The following PRKG1 variants were observed in gnomAD, a reference collection of about 807,000 sequenced individuals.
The protein encoded by PRKG1 is cGMP-dependent protein kinase 1.
A neutral mutation model predicts 88.1 loss-of-function variants in PRKG1; 35 were observed. The observed-to-expected ratio is 0.40, with a 90% CI of 0.30 to 0.53. PRKG1 has a LOEUF of 0.53. Ranked by LOEUF, PRKG1 falls within the 20% of genes least tolerant of loss-of-function variation. PRKG1 has a pLI of 0.59. For missense variants in PRKG1, 540 were observed against 839.8 expected, an observed-to-expected ratio of 0.64 and a Z score of 4.41; for synonymous variants, 303 against 292.5, an observed-to-expected ratio of 1.04 and a Z score of -0.37.
chr10:51,458,450 C>A (rs557606474), intron 2 of PRKG1, among the ~76,000 whole-genome samples: 2 of 150,520 alleles, frequency 1.3e-5, no homozygotes, highest in South Asian at 2.1e-4. Context: ...TTTTTACAAC[C>A]AGATATGGTA....
chr10:52,181,446 A>G (rs1487822973), intron 9 of PRKG1, among the ~76,000 whole-genome samples: 1 of 88,878 alleles, frequency 1.1e-5, no homozygotes, highest in Non-Finnish European at 2.1e-5. Flanking sequence ...TTTTTTTTTA[A>G]TTATACTTTA....
intron 5 of PRKG1, among the ~76,000 whole-genome samples, chr10:52,033,450 A>C (rs1026972908): frequency 1.3e-5 from 2 of 152,092 alleles, no homozygotes; most frequent in African/African-American, 2.4e-5. Context: ...TTTTCTCTTA[A>C]CCCTCTCTTT....
chr10:51,225,326 C>A (rs1838663468), intron 2 of PRKG1, among the ~76,000 whole-genome samples: 1 of 152,126 alleles, frequency 6.6e-6, no homozygotes, highest in Non-Finnish European at 1.5e-5. Flanking sequence ...TAATTACCTC[C>A]CGAAGACCCT....
intron 5 of PRKG1, among the ~76,000 whole-genome samples, chr10:52,030,206 T>A (rs923162764): frequency 1.3e-5 from 2 of 152,208 alleles, no homozygotes; most frequent in Non-Finnish European, 2.9e-5. Context: ...TTTGTTGTTC[T>A]GTGTGCATAC....
chr10:51,639,667 C>T (rs1839749970), intron 3 of PRKG1, among the ~76,000 whole-genome samples: 1 of 150,742 alleles, frequency 6.6e-6, no homozygotes. Context: ...CCACAGAATT[C>T]CAAATCAAAG....
At chr10:51,017,999 T>A (rs554879835) in intron 1 of PRKG1, among the ~76,000 whole-genome samples, 47 of 152,020 alleles carry the variant, frequency 3.1e-4, no homozygotes, top group East Asian at 1.5e-3. Flanking sequence ...TATTATTATT[T>A]TTTAGGTAGA....
chr10:51,876,733 T>C (rs1841309282), intron 4 of PRKG1, among the ~76,000 whole-genome samples: 1 of 152,162 alleles, frequency 6.6e-6, no homozygotes, highest in Non-Finnish European at 1.5e-5. Flanking sequence ...TGTGCCTCCA[T>C]GTGGCAAGCT....
At chr10:52,095,675 T>C (rs1847156276) in intron 7 of PRKG1, among the ~76,000 whole-genome samples, 1 of 152,140 alleles carries the variant, frequency 6.6e-6, no homozygotes, top group Non-Finnish European at 1.5e-5. Context: ...GATGCAGAAA[T>C]GAAATCTACA....
chr10:51,299,183 T>G (rs1289920000), intron 2 of PRKG1, among the ~76,000 whole-genome samples: 1 of 152,124 alleles, frequency 6.6e-6, no homozygotes, highest in Non-Finnish European at 1.5e-5. Flanking sequence ...TATCTCTTTT[T>G]GCCCATTCTT....
chr10:51,428,056 T>C (rs1333622924), intron 2 of PRKG1, among the ~76,000 whole-genome samples: 1 of 152,138 alleles, frequency 6.6e-6, no homozygotes, highest in East Asian at 1.9e-4. Context: ...GCACATGGCC[T>C]TAAGGAGAGG....
At chr10:52,195,868 G>A (rs577277529) in intron 9 of PRKG1, among the ~76,000 whole-genome samples, 1 of 152,198 alleles carries the variant, frequency 6.6e-6, no homozygotes, top group South Asian at 2.1e-4. Flanking sequence ...AACATTTTGT[G>A]TTAAAATATA....
chr10:51,774,999 T>A (rs931037798), intron 3 of PRKG1, among the ~76,000 whole-genome samples: 1 of 152,180 alleles, frequency 6.6e-6, no homozygotes, highest in Non-Finnish European at 1.5e-5. Context: ...CTCATTTTAG[T>A]CTTTTTACCT....
In PRKG1 at chr10:51,321,510, G is replaced by A. The variant is rs377405579; in HGVS notation, c.479-146213G>A. Among the ~76,000 whole-genome samples the A allele has an allele frequency of 5.1e-4, 78 of 152,070 alleles. No homozygotes were observed. In the South Asian group the frequency reaches 0.015, roughly 28 times the overall value. ...GCCTATGTTAAGTGAAATAAGCCAG[G>A]CACGGAAAGACAAACATCACATGTT... On this transcript the variant is annotated intron_variant, in intron 2 of 17. Transcript: ENST00000373980.
intron 2 of PRKG1, among the ~76,000 whole-genome samples, chr10:51,203,221 A>T (rs1008594604): frequency 2.6e-5 from 4 of 152,202 alleles, no homozygotes; most frequent in Admixed American, 2.0e-4. Context: ...CTGTTATAAA[A>T]TGCACACACT....
chr10:51,853,743 C>T (rs1201082758), intron 4 of PRKG1, among the ~76,000 whole-genome samples: 1 of 151,972 alleles, frequency 6.6e-6, no homozygotes, highest in Non-Finnish European at 1.5e-5. Flanking sequence ...TATTTATTAC[C>T]AAATGTGTGG....
At chr10:51,385,026 G>C (rs1265067669) in intron 2 of PRKG1, among the ~76,000 whole-genome samples, 6 of 152,176 alleles carry the variant, frequency 3.9e-5, no homozygotes, top group Non-Finnish European at 8.8e-5. Context: ...CTCGAACCTT[G>C]TTGTTGATGT....
At chr10:51,468,907 A>G (rs1239211950) in intron 3 of PRKG1, among the ~76,000 whole-genome samples, 1 of 151,912 alleles carries the variant, frequency 6.6e-6, no homozygotes, top group African/African-American at 2.4e-5. Context: ...ATTGTCTTAT[A>G]CATCTTATTA....
At chr10:52,245,272 A>T (rs1840994646) in intron 9 of PRKG1, among the ~76,000 whole-genome samples, 2 of 152,110 alleles carry the variant, frequency 1.3e-5, no homozygotes, top group South Asian at 4.1e-4. Flanking sequence ...TTGGTTACAT[A>T]AAAAATGAAA....
intron 4 of PRKG1, among the ~76,000 whole-genome samples, chr10:51,901,388 G>T (rs184125215): frequency 6.6e-6 from 1 of 152,290 alleles, no homozygotes; most frequent in South Asian, 2.1e-4. Flanking sequence ...GTGCAGACAG[G>T]ATCTTAACTC....
Sources: gnomAD v4.1 joint callset for allele counts (sites outside exome capture counted in the v4.1 genomes callset) on GRCh38, gnomAD v4.1.1 for gene constraint, MANE v1.5 for transcripts, NCBI Gene and HGNC (gene_info 2026-07-23, HGNC 2026-07-21) for gene names.